The following SPIDR variants were observed in gnomAD, a reference collection of about 807,000 sequenced individuals.
SPIDR encodes scaffold protein involved in DNA repair.
Under a neutral mutation model 104.6 loss-of-function variants are expected in SPIDR, and 93 were observed. The ratio of observed to expected loss-of-function variants is 0.89; its 90% CI spans 0.75 to 1.06. The LOEUF (loss-of-function observed/expected upper bound fraction) is 1.06. Among genes scored for constraint, SPIDR ranks in the 50% least tolerant of loss-of-function variants. SPIDR has a pLI of 0.00. For synonymous variants in SPIDR, 431 were observed against 416.9 expected, an observed-to-expected ratio of 1.03 and a Z score of -0.41; for missense variants, 1,154 against 1,111.2, an observed-to-expected ratio of 1.04 and a Z score of -0.55.
chr8:47,290,056 T>A (rs1250713664), intron 3 of SPIDR, among the ~76,000 whole-genome samples: 4 of 152,080 alleles, frequency 2.6e-5, no homozygotes, highest in South Asian at 2.1e-4. Flanking sequence ...TGTGTGTGTG[T>A]GAGATGGAGT....
chr8:47,390,647 A>G (rs1218921273), intron 5 of SPIDR, among the ~76,000 whole-genome samples: 1 of 151,176 alleles, frequency 6.6e-6, no homozygotes, highest in Non-Finnish European at 1.5e-5. Context: ...ACAGAAGGTG[A>G]TGGGTACATC....
Position 47,335,482 on chromosome 8 carries a change from G to A in SPIDR, c.525+41452G>A, listed in dbSNP as rs986307195. ...GGTTTCTTTTTGAAATGGGAGTCTC[G>A]TTCTCTTGCCCAGGCTGGAGTGCAG... On this transcript the variant is annotated intron_variant, in intron 5 of 19. Coordinates refer to ENST00000297423, the MANE Select transcript of SPIDR (RefSeq NM_001080394.4). 2.1e-4 allele frequency among the ~76,000 whole-genome samples: 32 copies of A among 152,030 alleles called. 1 individual carries two copies. Among genetic ancestry groups the A allele is most frequent in the Admixed American group, 2.0e-3 (30 of 15,264 alleles).
chr8:47,441,765 A>G (rs1192481675), intron 8 of SPIDR, among the ~76,000 whole-genome samples: 1 of 152,140 alleles, frequency 6.6e-6, no homozygotes, highest in Non-Finnish European at 1.5e-5. Flanking sequence ...TAAGACTTTC[A>G]TCGATTTAAA....
intron 8 of SPIDR, among the ~76,000 whole-genome samples, chr8:47,499,276 T>C (rs747810998): frequency 1.6e-4 from 25 of 152,210 alleles, no homozygotes; most frequent in Non-Finnish European, 1.0e-4. Flanking sequence ...ATGCAAAGTC[T>C]ATGACTGTCA....
At chr8:47,656,677 T>C (rs1400380359) in intron 10 of SPIDR, among the ~76,000 whole-genome samples, 1 of 152,180 alleles carries the variant, frequency 6.6e-6, no homozygotes, top group Admixed American at 6.5e-5. Flanking sequence ...CTCTTGAGAA[T>C]TGAAAACGTA....
At chr8:47,278,043 C>T (rs979730297) in intron 1 of SPIDR, among the ~76,000 whole-genome samples, 4 of 151,552 alleles carry the variant, frequency 2.6e-5, no homozygotes, top group African/African-American at 9.7e-5. Flanking sequence ...ACCAGCCATG[C>T]ACAAAAGTTA....
At chr8:47,592,245 G>C in intron 8 of SPIDR, 1 of 1,292,262 alleles carries the variant, frequency 7.7e-7, no homozygotes, top group Non-Finnish European at 1.1e-6. Context: ...TTTGCTAATG[G>C]ATCGTCTGGA....
intron 7 of SPIDR, among the ~76,000 whole-genome samples, chr8:47,435,133 A>G (rs2068054616): frequency 1.3e-5 from 2 of 152,032 alleles, no homozygotes; most frequent in Non-Finnish European, 2.9e-5. Flanking sequence ...AGCTGAAACT[A>G]CAGTATACTC....
At chr8:47,334,677 C>CG (rs1393129465) in intron 5 of SPIDR, among the ~76,000 whole-genome samples, 2 of 152,110 alleles carry the variant, frequency 1.3e-5, no homozygotes, top group Non-Finnish European at 2.9e-5. Flanking sequence ...TTCTTGTAGA[C>CG]AACATGCAGT....
intron 5 of SPIDR, among the ~76,000 whole-genome samples, chr8:47,324,064 A>T (rs1192912929): frequency 6.6e-6 from 1 of 152,322 alleles, no homozygotes; most frequent in South Asian, 2.1e-4. Context: ...TAACTGAAAT[A>T]CATGTTCTTT....
chr8:47,373,074 A>G lies in SPIDR; in HGVS notation c.526-23302A>G, dbSNP rs2058228088. ...TGATCTAACTGGAAATTGGAGATACACCTGAAAATATTCAGTACACTACTG... is the reference window on the plus strand; with the variant it reads ...TGATCTAACTGGAAATTGGAGATACGCCTGAAAATATTCAGTACACTACTG... On this transcript the variant is annotated intron_variant, in intron 5 of 19. Transcript: ENST00000297423. 2.0e-5 allele frequency among the ~76,000 whole-genome samples: 3 copies of G among 152,236 alleles called. No individual in the cohort carries two copies. In the South Asian group the frequency reaches 6.2e-4, roughly 31 times the overall value.
chr8:47,437,681 A>T (rs1304427221), intron 7 of SPIDR, among the ~76,000 whole-genome samples: 1 of 152,016 alleles, frequency 6.6e-6, no homozygotes, highest in African/African-American at 2.4e-5. Context: ...AATCAAAACC[A>T]CAATGAGATA....
intron 8 of SPIDR, among the ~76,000 whole-genome samples, chr8:47,495,160 A>T (rs1220663326): frequency 6.6e-6 from 1 of 152,068 alleles, no homozygotes; most frequent in African/African-American, 2.4e-5. Context: ...CACCAAGAAC[A>T]TGCATTTTAA....
At chr8:47,639,057 G>C (rs1341868812) in intron 10 of SPIDR, among the ~76,000 whole-genome samples, 1 of 152,158 alleles carries the variant, frequency 6.6e-6, no homozygotes, top group Non-Finnish European at 1.5e-5. Flanking sequence ...TAGGAACTAG[G>C]TATTTTAACT....
intron 8 of SPIDR, among the ~76,000 whole-genome samples, chr8:47,552,549 C>T (rs1587649799): frequency 6.6e-6 from 1 of 151,420 alleles, no homozygotes; most frequent in African/African-American, 2.4e-5. Context: ...CTCTTTTGAT[C>T]TTTGTTGTTT....
Position 47,293,938 on chromosome 8 carries a change from G to A in SPIDR, c.433G>A (p.Asp145Asn), listed in dbSNP as rs1372384747. 6.2e-7 allele frequency: 1 copy of A among 1,614,050 alleles called. No individual in the cohort carries two copies. Among genetic ancestry groups the A allele is most frequent in the African/African-American group, 1.3e-5 (1 of 74,934 alleles). ...GGCTAGTGACTGTGATGAATTTGAAGATGACGAGGGTGCTGTGGAAATCTC... is the reference window on the plus strand; with the variant it reads ...GGCTAGTGACTGTGATGAATTTGAAAATGACGAGGGTGCTGTGGAAATCTC... The part of the protein sequence containing the change: ...AEASDCDEFE[D>N]DEGAVEISDC... Residue 145 changes from aspartate (D) to asparagine (N), a missense_variant, in exon 5 of 20, where the codon GAT becomes AAT. Physicochemically the swap from Asp to Asn is conservative, Grantham distance 23 (BLOSUM62 1). Coordinates refer to ENST00000297423, the MANE Select transcript of SPIDR (RefSeq NM_001080394.4).
chr8:47,464,861 C>T (rs756381225), intron 8 of SPIDR, among the ~76,000 whole-genome samples: 4 of 152,112 alleles, frequency 2.6e-5, no homozygotes, highest in African/African-American at 4.8e-5. Flanking sequence ...CTCAGCCTCC[C>T]GGGTTCAAGT....
chr8:47,573,982 C>A (rs532636386), intron 8 of SPIDR, among the ~76,000 whole-genome samples: 2 of 152,198 alleles, frequency 1.3e-5, no homozygotes, highest in African/African-American at 4.8e-5. Context: ...CAAGAATGTT[C>A]CTACTGCTTT....
At chr8:47,723,532 C>A (rs1431683596) in intron 16 of SPIDR, among the ~76,000 whole-genome samples, 2 of 151,318 alleles carry the variant, frequency 1.3e-5, no homozygotes, top group African/African-American at 4.9e-5. Flanking sequence ...CGGGTTCATG[C>A]CATTCTTCTG....
Sources: gnomAD v4.1 joint callset for allele counts (sites outside exome capture counted in the v4.1 genomes callset) on GRCh38, gnomAD v4.1.1 for gene constraint, MANE v1.5 for transcripts, NCBI Gene and HGNC (gene_info 2026-07-23, HGNC 2026-07-21) for gene names.